Variants in PAPPA2 observed in about 807,000 individuals in gnomAD.
The protein encoded by PAPPA2 is pappalysin-2.
Under a neutral mutation model 176.4 loss-of-function variants are expected in PAPPA2, and 86 were observed. The ratio of observed to expected loss-of-function variants is 0.49; its 90% CI spans 0.41 to 0.58. PAPPA2 has a LOEUF of 0.58. PAPPA2 is among the 20% of genes least tolerant of loss of function. The pLI is 0.00. For missense variants in PAPPA2, 2,073 were observed against 2,256.9 expected (o/e 0.92, Z 1.65); for synonymous variants, 809 against 852.2 (o/e 0.95, Z 0.88).
chr1:176,615,337 G>C (rs1655141884), intron 3 of PAPPA2, among the ~76,000 whole-genome samples: 1 of 152,178 alleles, frequency 6.6e-6, no homozygotes, highest in Admixed American at 6.5e-5. Flanking sequence ...TTGAGACGGA[G>C]TCTTGCTCTG....
intron 1 of PAPPA2, among the ~76,000 whole-genome samples, chr1:176,498,769 A>G (rs1647789091): frequency 6.6e-6 from 1 of 151,662 alleles, no homozygotes; most frequent in Admixed American, 6.6e-5. Context: ...AAAAAAAAGA[A>G]GAAGAAATCT....
intron 21 of PAPPA2, among the ~76,000 whole-genome samples, chr1:176,826,879 C>G (rs900032614): frequency 2.0e-5 from 3 of 152,212 alleles, no homozygotes; most frequent in African/African-American, 7.2e-5. Flanking sequence ...TCACTGTGAG[C>G]TGGGACAGGT....
chr1:176,524,447 A>G (rs899365917), intron 1 of PAPPA2, among the ~76,000 whole-genome samples: 1 of 152,248 alleles, frequency 6.6e-6, no homozygotes, highest in Non-Finnish European at 1.5e-5. Context: ...AAACAGCATT[A>G]TAACAACTCA....
At chr1:176,813,030 G>T (rs1313626434) in intron 21 of PAPPA2, among the ~76,000 whole-genome samples, 1 of 152,004 alleles carries the variant, frequency 6.6e-6, no homozygotes. Context: ...TTATAAATGA[G>T]AACATGCGAT....
chr1:176,657,814 A>G (rs1658113127), intron 3 of PAPPA2, among the ~76,000 whole-genome samples: 2 of 151,986 alleles, frequency 1.3e-5, no homozygotes, highest in South Asian at 2.1e-4. Flanking sequence ...TAACATATAT[A>G]TGATAGCTAA....
chr1:176,488,387 T>A (rs145029524), intron 1 of PAPPA2, among the ~76,000 whole-genome samples: 81 of 152,242 alleles, frequency 5.3e-4, no homozygotes, highest in African/African-American at 1.9e-3. Context: ...CTTAGAAGTA[T>A]GTATAGATAA....
At chr1:176,526,707 T>A (rs918889294) in intron 1 of PAPPA2, among the ~76,000 whole-genome samples, 2 of 152,192 alleles carry the variant, frequency 1.3e-5, no homozygotes, top group African/African-American at 2.4e-5. Flanking sequence ...GTAATGACAA[T>A]TTTTGATCTG....
Position 176,709,966 on chromosome 1 carries a change from A to T in PAPPA2, c.3458-17A>T. On this transcript the variant is annotated splice_polypyrimidine_tract_variant and intron_variant, in intron 10 of 22. Transcript: ENST00000367662. ...TATGAAAACACTTTTTCTGTGTCAC[A>T]CAATATTTCTTGGCAGGAGAGCCAA... is the stretch of plus-strand genomic sequence containing the variant. 6.3e-6 allele frequency: 10 copies of T among 1,584,362 alleles called. No individual in the cohort carries two copies. Among genetic ancestry groups the T allele is most frequent in the Non-Finnish European group, 8.6e-6 (10 of 1,165,158 alleles).
intron 22 of PAPPA2, among the ~76,000 whole-genome samples, chr1:176,841,486 C>T (rs771569829): frequency 6.6e-6 from 1 of 152,108 alleles, no homozygotes; most frequent in Non-Finnish European, 1.5e-5. Context: ...CTTTAGTGTA[C>T]TTGGACTAGT....
At chr1:176,494,009 A>G (rs1192322659) in intron 1 of PAPPA2, among the ~76,000 whole-genome samples, 2 of 152,198 alleles carry the variant, frequency 1.3e-5, no homozygotes, top group African/African-American at 4.8e-5. Flanking sequence ...GGGAAACCCA[A>G]TTGTTAACAT....
At chr1:176,783,043 C>T (rs1664789665) in intron 17 of PAPPA2, among the ~76,000 whole-genome samples, 1 of 152,106 alleles carries the variant, frequency 6.6e-6, no homozygotes, top group Non-Finnish European at 1.5e-5. Flanking sequence ...TTTTAAGTTC[C>T]AAGCTTGAGC....
chr1:176,661,149 A>G (rs1390887176), intron 3 of PAPPA2, among the ~76,000 whole-genome samples: 2 of 152,122 alleles, frequency 1.3e-5, no homozygotes, highest in African/African-American at 4.8e-5. Context: ...TTGCTTAAAT[A>G]TATCTTCCCT....
At chr1:176,835,863 G>A (rs1432661266) in intron 21 of PAPPA2, among the ~76,000 whole-genome samples, 1 of 152,096 alleles carries the variant, frequency 6.6e-6, no homozygotes, top group Non-Finnish European at 1.5e-5. Flanking sequence ...ATTATCAGAG[G>A]TCCCTGAGGG....
At chr1:176,797,294 A>G (rs1665485609) in intron 20 of PAPPA2, among the ~76,000 whole-genome samples, 1 of 152,186 alleles carries the variant, frequency 6.6e-6, no homozygotes, top group South Asian at 2.1e-4. Context: ...AAGGATATAA[A>G]GTTTTCTTAT....
intron 12 of PAPPA2, among the ~76,000 whole-genome samples, chr1:176,732,037 G>C (rs148984510): frequency 1.1e-4 from 16 of 152,194 alleles, no homozygotes; most frequent in Middle Eastern, 6.8e-3. Context: ...TAATTAGTCA[G>C]ATGCTAATCA....
intron 1 of PAPPA2, among the ~76,000 whole-genome samples, chr1:176,465,982 C>T (rs935486779): frequency 1.3e-5 from 2 of 152,000 alleles, no homozygotes; most frequent in Non-Finnish European, 2.9e-5. Context: ...TCCACTTTTT[C>T]TTAGTTATCT....
chr1:176,601,027 A>T (rs114761762), intron 3 of PAPPA2, among the ~76,000 whole-genome samples: 2,838 of 152,230 alleles, frequency 0.019, 51 homozygotes, highest in Middle Eastern at 0.054. Context: ...CAAAGTTCAT[A>T]TGTTAGAAAT....
intron 2 of PAPPA2, among the ~76,000 whole-genome samples, chr1:176,568,637 C>T (rs979009607): frequency 6.6e-6 from 1 of 152,180 alleles, no homozygotes; most frequent in African/African-American, 2.4e-5. Context: ...TTTTCTGTAT[C>T]TCAGCAAAGG....
chr1:176,690,591 C>A (rs1427302357), intron 5 of PAPPA2, 161 bp downstream of exon 5: 1 of 1,409,868 alleles, frequency 7.1e-7, no homozygotes, highest in East Asian at 2.5e-5. Flanking sequence ...TTTTTCATGT[C>A]TTTGAAGAAC....
Sources: allele counts gnomAD v4.1 joint callset (sites outside exome capture counted in the v4.1 genomes callset), GRCh38; gene constraint gnomAD v4.1.1; transcripts MANE v1.5; gene names NCBI Gene and HGNC (gene_info 2026-07-23, HGNC 2026-07-21).